The following PTPRN2 variants were observed in gnomAD, a reference collection of about 807,000 sequenced individuals.
PTPRN2 encodes the protein receptor-type tyrosine-protein phosphatase N2.
Under a neutral mutation model 118.8 loss-of-function variants are expected in PTPRN2, and 74 were observed. That is an observed-to-expected ratio of 0.62 (90% CI 0.52 to 0.76). The LOEUF is 0.76. Among genes scored for constraint, PTPRN2 ranks in the 30% least tolerant of loss-of-function variants. The pLI, the probability that PTPRN2 is intolerant of heterozygous loss-of-function variation, is 0.00. For missense variants in PTPRN2, 1,481 were observed against 1,394.4 expected (o/e 1.06, Z -0.99); for synonymous variants, 641 against 608.0 (o/e 1.05, Z -0.80).
intron 15 of PTPRN2, among the ~76,000 whole-genome samples, chr7:157,614,606 A>G (rs1261107834): frequency 6.6e-6 from 1 of 152,160 alleles, no homozygotes; most frequent in Non-Finnish European, 1.5e-5. Flanking sequence ...TGTGATAGCA[A>G]TGGCGCTGTG....
intron 10 of PTPRN2, among the ~76,000 whole-genome samples, chr7:158,101,825 A>G (rs149743363): frequency 2.6e-5 from 4 of 152,162 alleles, no homozygotes; most frequent in South Asian, 2.1e-4. Flanking sequence ...GCTGTTGGCC[A>G]TGTGGCCAAC....
chr7:158,492,714 T>A (rs1821547725), intron 1 of PTPRN2, among the ~76,000 whole-genome samples: 1 of 152,228 alleles, frequency 6.6e-6, no homozygotes, highest in South Asian at 2.1e-4. Flanking sequence ...TGTTCTAAAA[T>A]TACGAAAGAG....
chr7:157,982,610 C>A (rs1482504933), intron 11 of PTPRN2, among the ~76,000 whole-genome samples: 2 of 136,404 alleles, frequency 1.5e-5, no homozygotes, highest in African/African-American at 5.7e-5. Context: ...AGTGCAGGGT[C>A]CCCCCTAAAC....
At chr7:158,339,325 TC>T (rs1480142096) in intron 2 of PTPRN2, among the ~76,000 whole-genome samples, 2 of 5,974 alleles carry the variant, frequency 3.3e-4, no homozygotes, top group East Asian at 1.4e-3. Context: ...ACCCACACTC[TC>T]AACCATAAGA....
At chr7:157,702,336 C>T (rs775898289) in intron 12 of PTPRN2, among the ~76,000 whole-genome samples, 5 of 151,822 alleles carry the variant, frequency 3.3e-5, no homozygotes, top group African/African-American at 4.8e-5. Context: ...TGAGAAAGCC[C>T]GGTCGGTGCT....
intron 5 of PTPRN2, among the ~76,000 whole-genome samples, chr7:158,171,338 TATATATATATAC>T (rs1340769237): frequency 2.4e-5 from 3 of 124,558 alleles, no homozygotes; most frequent in African/African-American, 9.7e-5. Context: ...TATATATATA[TATATATATATAC>T]ACACACACAT....
intron 12 of PTPRN2, among the ~76,000 whole-genome samples, chr7:157,749,757 A>T (rs1295715172): frequency 7.3e-6 from 1 of 137,706 alleles, no homozygotes; most frequent in African/African-American, 2.8e-5. Context: ...TGCGTCCCTG[A>T]GCTGCGGGGT....
intron 12 of PTPRN2, among the ~76,000 whole-genome samples, chr7:157,790,429 G>A (rs1371736954): frequency 1.3e-5 from 2 of 152,062 alleles, no homozygotes; most frequent in African/African-American, 2.4e-5. Context: ...GAAGGAGACC[G>A]GGCGCTCCTG....
chr7:158,194,244 G>T (rs541778201), intron 4 of PTPRN2, among the ~76,000 whole-genome samples: 2 of 152,356 alleles, frequency 1.3e-5, no homozygotes, highest in African/African-American at 4.8e-5. Flanking sequence ...AAAATGCAAA[G>T]ATTTCGTAGA....
chr7:158,351,117 G>C (rs747548410), intron 2 of PTPRN2, among the ~76,000 whole-genome samples: 1 of 152,190 alleles, frequency 6.6e-6, no homozygotes, highest in Non-Finnish European at 1.5e-5. Flanking sequence ...GCATCAAACT[G>C]TTATGCGGGA....
chr7:158,157,920 C>T (rs571604863), intron 6 of PTPRN2, among the ~76,000 whole-genome samples: 1 of 152,346 alleles, frequency 6.6e-6, no homozygotes, highest in African/African-American at 2.4e-5. Context: ...GGTGCCTTCT[C>T]CTCCTGCTTT....
intron 13 of PTPRN2, among the ~76,000 whole-genome samples, chr7:157,657,467 C>T (rs1460593414): frequency 1.2e-4 from 11 of 94,154 alleles, no homozygotes; most frequent in East Asian, 3.8e-4. Context: ...TATACACACA[C>T]ATACACCACA....
At chr7:157,834,123 C>A (rs58342831) in intron 12 of PTPRN2, among the ~76,000 whole-genome samples, 5 of 145,606 alleles carry the variant, frequency 3.4e-5, no homozygotes, top group East Asian at 4.4e-4. Flanking sequence ...GAGCCAGCAG[C>A]ACTCCCTGTG....
At chr7:157,777,393 C>T (rs578099721) in intron 12 of PTPRN2, among the ~76,000 whole-genome samples, 5 of 151,966 alleles carry the variant, frequency 3.3e-5, no homozygotes, top group Non-Finnish European at 7.4e-5. Flanking sequence ...CCGGAGGACA[C>T]GCAGTGCCCC....
At position 157,627,972 on chromosome 7, in the gene PTPRN2, C is replaced by T. The variant is rs1476576486; in HGVS notation, c.2197-6463G>A. Among the ~76,000 whole-genome samples, 1 of 152,218 alleles carries T rather than the reference C, an allele frequency of 6.6e-6. No individual in the cohort carries two copies. The highest frequency in any genetic ancestry group is 1.5e-5 in the Non-Finnish European group (1 of 68,042). On this transcript the variant is annotated intron_variant, in intron 14 of 22. Transcript: ENST00000389418. The surrounding 1 kb of genome is among the most constrained non-coding windows in gnomAD (Gnocchi z 4.2). Reference sequence around the variant, plus strand: ...GATATGAACTCAATCTAAGGTTTCCCCTGTCATCCTTCTCCCGTTTCTGAA... The same window carrying T: ...GATATGAACTCAATCTAAGGTTTCCTCTGTCATCCTTCTCCCGTTTCTGAA...
chr7:157,725,359 G>A (rs112208665), intron 12 of PTPRN2, among the ~76,000 whole-genome samples: 5 of 45,850 alleles, frequency 1.1e-4, no homozygotes, highest in South Asian at 1.9e-3. Flanking sequence ...ACACACAGAG[G>A]AGTGTGGCCA....
chr7:158,381,982 C>T (rs1194115831), intron 2 of PTPRN2, among the ~76,000 whole-genome samples: 1 of 152,200 alleles, frequency 6.6e-6, no homozygotes, highest in Non-Finnish European at 1.5e-5. Context: ...GTCTCTCCCA[C>T]AATACATGGG....
At chr7:158,469,122 T>TGGATCAACAGAATGCACA (rs1301344649) in intron 2 of PTPRN2, among the ~76,000 whole-genome samples, 2 of 151,872 alleles carry the variant, frequency 1.3e-5, no homozygotes, top group African/African-American at 2.4e-5. Context: ...ATCAACAGTG[T>TGGATCAACAGAATGCACA]CAGGCTTTCA....
rs758471215 is a variant in PTPRN2 at position 158,136,710 on chromosome 7, A to C, written c.1133-15T>G. ...CACTCCGTCATCTGTAAAAGACACC[A>C]GTGTTACCAAGACCCTCATCAAGAA... On this transcript the variant is annotated splice_polypyrimidine_tract_variant and intron_variant, in intron 7 of 22. Coordinates refer to ENST00000389418, the MANE Select transcript of PTPRN2 (RefSeq NM_002847.5). The C allele has an allele frequency of 7.5e-5, 121 of 1,613,168 alleles. No individual in the cohort carries two copies. Among genetic ancestry groups the C allele is most frequent in the Non-Finnish European group, 1.0e-4 (119 of 1,179,290 alleles).
Sources: gnomAD v4.1 joint callset for allele counts (sites outside exome capture counted in the v4.1 genomes callset) on GRCh38, gnomAD v4.1.1 for gene constraint, Gnocchi (gnomAD v3.1) non-coding constraint, MANE v1.5 for transcripts, NCBI Gene and HGNC (gene_info 2026-07-23, HGNC 2026-07-21) for gene names.